The following PLXDC1 variants were observed in gnomAD, a reference collection of about 807,000 sequenced individuals.
PLXDC1 encodes the protein plexin domain containing 1, also known as plexin domain-containing protein 1.
A neutral mutation model predicts 61.3 loss-of-function variants in PLXDC1; 39 were observed. That is an observed-to-expected ratio of 0.64 (90% confidence interval 0.49 to 0.83). The LOEUF is 0.83. Among genes scored for constraint, PLXDC1 ranks in the 40% least tolerant of loss-of-function variants. The probability of loss-of-function intolerance (pLI) is 0.00; values close to 1 mark genes in which losing one functional copy is unlikely to be tolerated. For missense variants in PLXDC1, 596 were observed against 666.5 expected (o/e 0.89, Z 1.17); for synonymous variants, 212 against 254.5 (o/e 0.83, Z 1.59).
At chr17:39,078,137 T>C in intron 10 of PLXDC1, 89 bp from the exon 11 acceptor site, 4 of 1,279,342 alleles carry the variant, frequency 3.1e-6, no homozygotes, top group Non-Finnish European at 1.1e-6. Context: ...GCAATTTATC[T>C]GTCAGCTGCT....
chr17:39,116,068 A>C (rs1001759890), intron 2 of PLXDC1, among the ~76,000 whole-genome samples: 3 of 152,162 alleles, frequency 2.0e-5, no homozygotes, highest in African/African-American at 7.2e-5. Flanking sequence ...CTGTGAGCCG[A>C]GATTGCGCCA....
chr17:39,148,059 G>A (rs552958144), intron 1 of PLXDC1, among the ~76,000 whole-genome samples: 12 of 152,210 alleles, frequency 7.9e-5, no homozygotes, highest in Middle Eastern at 3.4e-3. Flanking sequence ...TCTGTCGATC[G>A]GAGGGGACGG....
chr17:39,131,289 A>G (rs1911551938), intron 2 of PLXDC1, among the ~76,000 whole-genome samples: 1 of 151,980 alleles, frequency 6.6e-6, no homozygotes, highest in Non-Finnish European at 1.5e-5. Flanking sequence ...TGGAGACGAC[A>G]TCTGCACTCC....
chr17:39,069,768 G>T, intron 13 of PLXDC1, 88 bp downstream of exon 13: 2 of 990,426 alleles, frequency 2.0e-6, no homozygotes, highest in South Asian at 1.4e-5. Flanking sequence ...GCAGGGGAGA[G>T]GGAGAAGGGG....
chr17:39,067,855 C>T lies in PLXDC1; in HGVS notation c.1488G>A (p.Glu496=), dbSNP rs1489627721. 1 of 1,613,908 alleles carries T rather than the reference C, an allele frequency of 6.2e-7. No homozygotes were observed. The highest frequency in any genetic ancestry group is 2.2e-5 in the East Asian group (1 of 44,902). Residue 496 remains glutamate (E), a synonymous_variant, in exon 14 of 14, where the codon GAG becomes GAA. Transcript: ENST00000315392. ...PSGHEKEGFM[E]AEQC Reference sequence around the variant, plus strand: ...CTTGGTGTTCTCAGCACTGCTCAGCCTCCATGAAGCCCTCCTTCTCATGGC... The same window carrying T: ...CTTGGTGTTCTCAGCACTGCTCAGCTTCCATGAAGCCCTCCTTCTCATGGC...
rs1910705808 is a variant in PLXDC1 at position 39,109,173 on chromosome 17, C to T, written c.399+75G>A. 3.3e-6 allele frequency: 5 copies of T among 1,532,356 alleles called. No homozygotes were observed. The South Asian group carries it at 6.2e-5, about 19-fold the overall frequency. The allele number at this position is 1,532,356 out of a possible 1,614,324, so 94.9% of individuals were successfully genotyped here. On this transcript the variant is annotated intron_variant, in intron 3 of 13. Transcript: ENST00000315392. ...CACAGACCTCGGGCCACAGCCATGC[C>T]CACTGACCAGGCAGGGTGGTTTGGC...
intron 2 of PLXDC1, among the ~76,000 whole-genome samples, chr17:39,119,433 C>T (rs1012206757): frequency 6.6e-6 from 1 of 152,144 alleles, no homozygotes; most frequent in Admixed American, 6.6e-5. Flanking sequence ...TGAATATGTA[C>T]AATTATTTGT....
intron 6 of PLXDC1, 131 bp downstream of exon 6, chr17:39,107,276 C>A (rs538485635): frequency 1.2e-4 from 74 of 620,648 alleles, no homozygotes; most frequent in African/African-American, 1.2e-3. Context: ...GGGTAGGACC[C>A]GCAAACATCT....
intron 11 of PLXDC1, among the ~76,000 whole-genome samples, chr17:39,072,879 T>C (rs1283827727): frequency 2.0e-5 from 3 of 152,176 alleles, no homozygotes; most frequent in Non-Finnish European, 4.4e-5. Context: ...ACTTTCTGTC[T>C]ATACCTCGAG....
At position 39,139,637 on chromosome 17, in the gene PLXDC1, G is replaced by T. The variant is rs780036963; in HGVS notation, c.255+17C>A. 2 of 1,564,476 alleles carry T rather than the reference G, an allele frequency of 1.3e-6. No homozygotes were observed. Among genetic ancestry groups the T allele is most frequent in the Non-Finnish European group, 1.7e-6 (2 of 1,148,062 alleles). On this transcript the variant is annotated intron_variant, in intron 2 of 13. Coordinates refer to ENST00000315392, the MANE Select transcript of PLXDC1 (RefSeq NM_020405.5). ...CACCCCCACTTCGCTCCCCCTCCAT[G>T]TTCCTCCAGCACTCACCACCACCCT... is the stretch of plus-strand genomic sequence containing the variant.
chr17:39,083,473 G>C lies in PLXDC1; in HGVS notation c.975C>G (p.Cys325Trp). ...TGGGCACAAACCTCTGGAGGACATG[G>C]CACCAGCTGCAGTTGAAGGTCAGGT... ...SSDLTFNCSWCHVLQRCSSGF... is the reference protein window; with the variant it reads ...SSDLTFNCSWWHVLQRCSSGF... Residue 325 changes from cysteine to tryptophan, a missense_variant, in exon 9 of 14, where the codon TGC (cysteine) becomes TGG (tryptophan). By Grantham distance (215) the Cys-to-Trp change is radical. Transcript: ENST00000315392. The C allele has an allele frequency of 1.2e-6, 2 of 1,613,634 alleles. No homozygotes were observed. Among genetic ancestry groups the C allele is most frequent in the East Asian group, 2.2e-5 (1 of 44,860 alleles).
At chr17:39,099,431 C>T (rs1250987406) in intron 7 of PLXDC1, among the ~76,000 whole-genome samples, 1 of 152,070 alleles carries the variant, frequency 6.6e-6, no homozygotes, top group Non-Finnish European at 1.5e-5. Flanking sequence ...CAGACACATC[C>T]CTGCCCCGAC....
Position 39,069,792 on chromosome 17 carries a change from G to A in PLXDC1, c.1383+64C>T, listed in dbSNP as rs142200407. 3.5e-4 allele frequency: 456 copies of A among 1,312,290 alleles called. 3 individuals are homozygous for A. In the East Asian group the frequency reaches 9.6e-3, roughly 27 times the overall value. The allele number at this position is 1,312,290 out of a possible 1,614,324, so 81.3% of individuals were successfully genotyped here. A position where few individuals can be genotyped will look rare whatever the true frequency, so the allele number is the denominator to read the frequency against. On this transcript the variant is annotated intron_variant, in intron 13 of 13. Transcript: ENST00000315392. ...AGGGAGAAGGGGAGAGGCAGGGACCGAATGGCCCAGGAGACGCCGACGCAG... is the reference window on the plus strand; with the variant it reads ...AGGGAGAAGGGGAGAGGCAGGGACCAAATGGCCCAGGAGACGCCGACGCAG...
At chr17:39,088,964 AGAG>A (rs1408032717) in intron 7 of PLXDC1, among the ~76,000 whole-genome samples, 47 of 109,876 alleles carry the variant, frequency 4.3e-4, no homozygotes, top group Non-Finnish European at 6.8e-4. Flanking sequence ...AAAAAAAAAA[AGAG>A]AGAGAGAGAA....
In PLXDC1 at chr17:39,110,476, T is replaced by G. The variant is rs77715662; in HGVS notation, c.256-1085A>C. Reference sequence around the variant, plus strand: ...GGTTCAAAGGAGGCCAGGGAAATGGTTGGCAGAAAGACTTAAGAGCCAGAG... The same window carrying G: ...GGTTCAAAGGAGGCCAGGGAAATGGGTGGCAGAAAGACTTAAGAGCCAGAG... On this transcript the variant is annotated intron_variant, in intron 2 of 13. Transcript: ENST00000315392. Among the ~76,000 whole-genome samples the G allele has an allele frequency of 5.7e-4, 87 of 152,274 alleles. No individual in the cohort carries two copies. The East Asian group carries it at 0.015, about 26-fold the overall frequency.
chr17:39,105,529 G>A (rs982969662), intron 7 of PLXDC1, among the ~76,000 whole-genome samples: 1 of 152,114 alleles, frequency 6.6e-6, no homozygotes, highest in Non-Finnish European at 1.5e-5. Context: ...CACAATGGTT[G>A]TATTCTGGGA....
intron 7 of PLXDC1, among the ~76,000 whole-genome samples, chr17:39,091,717 G>A (rs1909958678): frequency 6.6e-6 from 1 of 152,098 alleles, no homozygotes; most frequent in East Asian, 1.9e-4. Flanking sequence ...CAGCATTTTG[G>A]GAGGCCGAGG....
chr17:39,120,498 C>G (rs180877366), intron 2 of PLXDC1, among the ~76,000 whole-genome samples: 2 of 151,996 alleles, frequency 1.3e-5, no homozygotes, highest in African/African-American at 4.8e-5. Flanking sequence ...GCAGATCATA[C>G]GATACATGGC....
At chr17:39,073,625 G>T (rs1011928576) in intron 11 of PLXDC1, among the ~76,000 whole-genome samples, 8 of 152,342 alleles carry the variant, frequency 5.3e-5, no homozygotes, top group Admixed American at 5.2e-4. Context: ...GTTCCCAGCT[G>T]CCATCTTGCT....
Sources: gnomAD v4.1 joint callset for allele counts (sites outside exome capture counted in the v4.1 genomes callset) on GRCh38, gnomAD v4.1.1 for gene constraint, MANE v1.5 for transcripts, NCBI Gene and HGNC (gene_info 2026-07-23, HGNC 2026-07-21) for gene names.